PUS3: variants seen among roughly 807,000 people sequenced by gnomAD.
PUS3 encodes the protein pseudouridine synthase 3.
In PUS3, 36 loss-of-function variants were observed where a neutral mutation model predicts 43.3. The ratio of observed to expected loss-of-function variants is 0.83; its 90% CI spans 0.64 to 1.10. The LOEUF (loss-of-function observed/expected upper bound fraction) is 1.10. Ranked by LOEUF, PUS3 falls within the 50% of genes least tolerant of loss-of-function variation. The pLI is 0.00. For synonymous variants in PUS3, 183 were observed against 199.2 expected (o/e 0.92, Z 0.69); for missense variants, 544 against 589.9 (o/e 0.92, Z 0.81).
chr11:125,899,426 A>T (rs148189957), intron 1 of PUS3: 76 of 1,614,116 alleles, frequency 4.7e-5, no homozygotes, highest in Non-Finnish European at 5.5e-5. Flanking sequence ...AGAAGAACGA[A>T]TGTTGGCAGC....
chr11:125,900,308 C>G (rs1168907123), intron 1 of PUS3: 1 of 1,585,088 alleles, frequency 6.3e-7, no homozygotes, highest in South Asian at 1.1e-5. Context: ...TTGAGATAAC[C>G]TAGCTCTTTA....
In PUS3 at chr11:125,893,692, GA is replaced by G; in HGVS notation, c.*92del. 1.1e-6 allele frequency: 1 copy of G among 921,382 alleles called. No homozygotes were observed. The highest frequency in any genetic ancestry group is 2.6e-5 in the South Asian group (1 of 38,008). The allele number at this position is 921,382 out of a possible 1,614,324, so 57.1% of individuals were successfully genotyped here. On this transcript the variant is annotated 3_prime_UTR_variant, in exon 4 of 4. Transcript: ENST00000227474. The stretch of plus-strand genomic sequence containing the variant: ...TTTTTCTTTTAAGAGCTGATCATCT[GA>G]ATTCCTAGTACTTGCAAGTAAATTT...
At chr11:125,898,121 T>G (rs963582057) in intron 1 of PUS3, among the ~76,000 whole-genome samples, 2 of 152,174 alleles carry the variant, frequency 1.3e-5, no homozygotes, top group Non-Finnish European at 2.9e-5. Flanking sequence ...CATGTGAATA[T>G]GGAAAATTTC....
intron 1 of PUS3, 138 bp downstream of exon 1, chr11:125,903,032 G>C (rs1490041266): frequency 9.2e-6 from 2 of 216,322 alleles, no homozygotes; most frequent in East Asian, 3.7e-4. Context: ...TTTCCATACG[G>C]CAATGCTTTC....
chr11:125,900,062 G>A (rs758211470), intron 1 of PUS3: 2 of 1,614,214 alleles, frequency 1.2e-6, no homozygotes, highest in Non-Finnish European at 1.7e-6. Flanking sequence ...ACCTGGTGAA[G>A]ATCATAGAAA....
chr11:125,895,785 A>T lies in PUS3; in HGVS notation c.383T>A (p.Ile128Asn), dbSNP rs146163749. Residue 128 changes from isoleucine (I) to asparagine (N), a missense_variant, in exon 3 of 4, where the codon ATC (isoleucine) becomes AAC (asparagine). Coordinates refer to ENST00000227474, the MANE Select transcript of PUS3 (RefSeq NM_031307.4). ...DKGVSAFGQV[I>N]SLDLRSQFPR... ...AAACTGAGAGCGAAGGTCAAGTGAG[A>T]TCACCTGTGGAGTTAGACAAAGATA... The T allele has an allele frequency of 2.5e-6, 4 of 1,596,906 alleles. No homozygotes were observed. Among genetic ancestry groups the T allele is most frequent in the Non-Finnish European group, 3.4e-6 (4 of 1,174,866 alleles).
chr11:125,896,393 G>C, intron 1 of PUS3, 63 bp from the exon 2 acceptor site: 1 of 1,101,822 alleles, frequency 9.1e-7, no homozygotes, highest in Non-Finnish European at 1.3e-6. Context: ...TGTTCTAATG[G>C]TATATAAGAT....
At position 125,896,133 on chromosome 11, in the gene PUS3, G is replaced by C. The variant is rs768492532; in HGVS notation, c.152C>G (p.Thr51Ser). ...AGCACTGAAATCAAATGCACGCTTAGTTTTTCCAGCTCCTGCTGAATTTTC... is the reference window on the plus strand; with the variant it reads ...AGCACTGAAATCAAATGCACGCTTACTTTTTCCAGCTCCTGCTGAATTTTC... ...IRENSAGAGK[T>S]KRAFDFSAHG... Residue 51 changes from threonine (T) to serine (S), a missense_variant, in exon 2 of 4, where the codon ACT becomes AGT. Transcript: ENST00000227474. 6.2e-7 allele frequency: 1 copy of C among 1,614,192 alleles called. No individual in the cohort carries two copies. The highest frequency in any genetic ancestry group is 8.5e-7 in the Non-Finnish European group (1 of 1,180,028).
intron 3 of PUS3, 29 bp downstream of exon 3, chr11:125,895,195 G>A: frequency 1.3e-6 from 2 of 1,518,768 alleles, no homozygotes; most frequent in African/African-American, 1.4e-5. Context: ...CTACAGGCAT[G>A]TGCCATTTAT....
chr11:125,900,149 C>G, intron 1 of PUS3: 1 of 1,614,128 alleles, frequency 6.2e-7, no homozygotes, highest in South Asian at 1.1e-5. Flanking sequence ...TATATATGTC[C>G]CAAACAATTA....
intron 1 of PUS3, chr11:125,900,722 AGG>A (rs1336610821): frequency 2.4e-5 from 5 of 204,626 alleles, no homozygotes; most frequent in Admixed American, 5.5e-5. Context: ...GCTCAAAAGA[AGG>A]AACAAGCCGG....
At chr11:125,894,321 A>G (rs758891622) in intron 3 of PUS3, 35 bp from the exon 4 acceptor site, 107 of 1,529,122 alleles carry the variant, frequency 7.0e-5, no homozygotes, top group Non-Finnish European at 9.3e-5. Flanking sequence ...TTGAGAATAC[A>G]TAACATCCAT....
At position 125,895,398 on chromosome 11, in the gene PUS3, C is replaced by T. The variant is rs1944550405; in HGVS notation, c.770G>A (p.Arg257Lys). 3 of 1,614,138 alleles carry T rather than the reference C, an allele frequency of 1.9e-6. No individual in the cohort carries two copies. In the East Asian group the frequency reaches 6.7e-5, roughly 36 times the overall value. Reference protein sequence around the residue: ...QLVGQSPGEGRWQEPFQLCQF... With the variant: ...QLVGQSPGEGKWQEPFQLCQF... Reference sequence around the variant, plus strand: ...ACATAACTGGAAAGGTTCTTGCCATCTCCCCTCACCTGGGCTCTGGCCCAC... The same window carrying T: ...ACATAACTGGAAAGGTTCTTGCCATTTCCCCTCACCTGGGCTCTGGCCCAC... Residue 257 changes from arginine (R) to lysine (K), a missense_variant, in exon 3 of 4, where the codon AGA becomes AAA. Transcript: ENST00000227474.
chr11:125,895,089 C>T (rs936912726), intron 3 of PUS3, 135 bp downstream of exon 3: 1 of 557,196 alleles, frequency 1.8e-6, no homozygotes, highest in Admixed American at 3.6e-5. Context: ...CTCTGTCACC[C>T]ATGCTGGAAT....
At position 125,893,779 on chromosome 11, in the gene PUS3, C is replaced by T; in HGVS notation, c.*6G>A. Reference sequence around the variant, plus strand: ...TGGTTCCTAGATCCTGGCAAATTGTCTATGGTTAAATGATGCTTTTAATTT... The same window carrying T: ...TGGTTCCTAGATCCTGGCAAATTGTTTATGGTTAAATGATGCTTTTAATTT... On this transcript the variant is annotated 3_prime_UTR_variant, in exon 4 of 4. Transcript: ENST00000227474. The T allele has an allele frequency of 6.3e-7, 1 of 1,591,672 alleles. No homozygotes were observed. The highest frequency in any genetic ancestry group is 8.6e-7 in the Non-Finnish European group (1 of 1,168,712).
At position 125,895,981 on chromosome 11, in the gene PUS3, G is replaced by C; in HGVS notation, c.304C>G (p.Leu102Val). 2 of 1,614,112 alleles carry C rather than the reference G, an allele frequency of 1.2e-6. No individual in the cohort carries two copies. The highest frequency in any genetic ancestry group is 1.7e-6 in the Non-Finnish European group (2 of 1,180,026). ...TTGGATGTCTGTCTGCTTTCTACTAGTCGAGTCTTGGTTAGAGCTTCAAAC... is the reference window on the plus strand; with the variant it reads ...TTGGATGTCTGTCTGCTTTCTACTACTCGAGTCTTGGTTAGAGCTTCAAAC... ...KLFEALTKTR[L>V]VESRQTSNYH... The change falls in exon 2 of 4, where the codon CTA (leucine) becomes GTA (valine). Residue 102 changes from leucine to valine, a missense_variant. Transcript: ENST00000227474.
chr11:125,900,599 T>G, intron 1 of PUS3: 1 of 334,128 alleles, frequency 3.0e-6, no homozygotes, highest in Admixed American at 4.8e-5. Context: ...GTGTGTTTTT[T>G]AAGTTGCTGG....
chr11:125,894,964 T>A (rs558092166), intron 3 of PUS3, among the ~76,000 whole-genome samples: 8 of 152,162 alleles, frequency 5.3e-5, no homozygotes, highest in Non-Finnish European at 8.8e-5. Context: ...TTCATAACAT[T>A]CTACAATTCA....
At chr11:125,894,328 C>G (rs766974120) in intron 3 of PUS3, 42 bp from the exon 4 acceptor site, 8 of 1,504,148 alleles carry the variant, frequency 5.3e-6, no homozygotes, top group Non-Finnish European at 7.2e-6. Context: ...TACATAACAT[C>G]CATCTAACAG....
Sources: gnomAD v4.1 joint callset for allele counts (sites outside exome capture counted in the v4.1 genomes callset) on GRCh38, gnomAD v4.1.1 for gene constraint, MANE v1.5 for transcripts, NCBI Gene and HGNC (gene_info 2026-07-23, HGNC 2026-07-21) for gene names.